CELSR1: variants seen among roughly 807,000 people sequenced by gnomAD.
CELSR1 encodes the protein adhesion G protein-coupled receptor C1.
Under a neutral mutation model 249.1 loss-of-function variants are expected in CELSR1, and 110 were observed. The ratio of observed to expected loss-of-function variants is 0.44; its 90% CI spans 0.38 to 0.52. CELSR1 has a LOEUF of 0.52. Ranked by LOEUF, CELSR1 falls within the 20% of genes least tolerant of loss-of-function variation. CELSR1 has a pLI of 0.00. For missense variants in CELSR1, 4,109 were observed against 4,296.4 expected (o/e 0.96, Z 1.22); for synonymous variants, 2,113 against 1,900.0 (o/e 1.11, Z -2.92).
At chr22:46,466,348 G>T (rs1278018298) in intron 1 of CELSR1, among the ~76,000 whole-genome samples, 4 of 152,230 alleles carry the variant, frequency 2.6e-5, no homozygotes, top group African/African-American at 9.6e-5. Context: ...GGATGTAGCA[G>T]GAAACACGTC....
At position 46,363,002 on chromosome 22, in the gene CELSR1, C is replaced by CT. The variant is rs1247771092; in HGVS notation, c.*220dup. 12 of 880,312 alleles carry CT rather than the reference C, an allele frequency of 1.4e-5. No individual in the cohort carries two copies. The African/African-American group carries it at 2.0e-4, about 15-fold the overall frequency. The allele number at this position is 880,312 out of a possible 1,614,324, so 54.5% of individuals were successfully genotyped here. A position where few individuals can be genotyped will look rare whatever the true frequency, so the allele number is the denominator to read the frequency against. On this transcript the variant is annotated 3_prime_UTR_variant, in exon 35 of 35. Transcript: ENST00000674500. The surrounding 1 kb of genome is among the most constrained non-coding windows in gnomAD (Gnocchi z 4.3). ...TGGCCTTTGGCACTTGTCACCAGGT[C>CT]TGACAGGCCCTGAGCTCCTGGGAGA...
At chr22:46,369,857 C>A (rs1200021135) in intron 25 of CELSR1, 53 bp from the exon 26 acceptor site, 1 of 1,504,148 alleles carries the variant, frequency 6.6e-7, no homozygotes, top group Non-Finnish European at 9.2e-7. Flanking sequence ...CCAGTGGCCA[C>A]CCCATGCCAA....
Position 46,434,351 on chromosome 22 carries a change from A to T in CELSR1, c.4523-870T>A, listed in dbSNP as rs1393339019. On this transcript the variant is annotated intron_variant, in intron 4 of 34. Coordinates refer to ENST00000674500, the MANE Select transcript of CELSR1 (RefSeq NM_001378328.1). The surrounding 1 kb of genome is among the most constrained non-coding windows in gnomAD (Gnocchi z 4.9). The stretch of plus-strand genomic sequence containing the variant: ...TCAGCAGCAGCAGCTGGGAGGAAGG[A>T]GCTTCAGGGGCACCAAAGGACAGGT... Among the ~76,000 whole-genome samples the T allele has an allele frequency of 2.0e-5, 3 of 152,132 alleles. No individual in the cohort carries two copies. Among genetic ancestry groups the T allele is most frequent in the Non-Finnish European group, 4.4e-5 (3 of 68,032 alleles).
chr22:46,515,000 T>G lies in CELSR1; in HGVS notation c.3544+18627A>C, dbSNP rs140712889. Among the ~76,000 whole-genome samples, 690 of 152,286 alleles carry G rather than the reference T, an allele frequency of 4.5e-3. 6 individuals are homozygous for G. Among genetic ancestry groups the G allele is most frequent in the African/African-American group, 0.016 (664 of 41,546 alleles). Reference sequence around the variant, plus strand: ...TCCAAACCCCAGCCCTCTTGGGCCCTGGCAACCAGCCTAGTCCTCGCCAGC... The same window carrying G: ...TCCAAACCCCAGCCCTCTTGGGCCCGGGCAACCAGCCTAGTCCTCGCCAGC... On this transcript the variant is annotated intron_variant, in intron 1 of 34. Transcript: ENST00000674500.
intron 1 of CELSR1, chr22:46,530,300 C>T (rs2080778797): frequency 6.6e-6 from 1 of 150,982 alleles, no homozygotes; most frequent in African/African-American, 2.4e-5. Flanking sequence ...TATATACACA[C>T]ACATAAATTT....
chr22:46,404,023 G>A (rs1280416285), intron 9 of CELSR1, among the ~76,000 whole-genome samples: 3 of 151,270 alleles, frequency 2.0e-5, no homozygotes, highest in Non-Finnish European at 4.4e-5. Context: ...ACTAGATCTG[G>A]GCTGTAAACC....
rs1471847673 is a variant in CELSR1, at chr22:46,398,375, G to A, written c.5526+149C>T. On this transcript the variant is annotated intron_variant, in intron 11 of 34. Coordinates refer to ENST00000674500, the MANE Select transcript of CELSR1 (RefSeq NM_001378328.1). This position sits in a 1 kb window ranked among gnomAD's most constrained non-coding sequence, Gnocchi z 7.2. ...GGAGAATGGGTCTGAAGAGGAAACA[G>A]GAGCTGTTAAAGTGGGGATGCCTGT... 5 of 605,702 alleles carry A rather than the reference G, an allele frequency of 8.3e-6. No individual in the cohort carries two copies. Among genetic ancestry groups the A allele is most frequent in the Non-Finnish European group, 1.4e-5 (5 of 345,028 alleles). 37.5% of individuals were successfully genotyped at this position (605,702 alleles called of 1,614,324 possible).
rs1319640783 is a variant in CELSR1 at position 46,427,193 on chromosome 22, G to A, written c.4611+6200C>T. On this transcript the variant is annotated intron_variant, in intron 5 of 34. Transcript: ENST00000674500. This position sits in a 1 kb window ranked among gnomAD's most constrained non-coding sequence, Gnocchi z 4.2. ...GGAGTGAGACACCCCAAAGCAATGA[G>A]CACACCAAGCACCCAGATCTGGATT... Among the ~76,000 whole-genome samples the A allele has an allele frequency of 2.0e-5, 3 of 152,158 alleles. No homozygotes were observed. Among genetic ancestry groups the A allele is most frequent in the Non-Finnish European group, 2.9e-5 (2 of 68,028 alleles).
chr22:46,401,982 G>A lies in CELSR1; in HGVS notation c.5227-2080C>T, dbSNP rs2147294089. ...AGGTGCCTGTAGTTCCAGCTGCTTGGGAGGCTGAGACAGGAGAATTGCTTG... is the reference window on the plus strand; with the variant it reads ...AGGTGCCTGTAGTTCCAGCTGCTTGAGAGGCTGAGACAGGAGAATTGCTTG... On this transcript the variant is annotated intron_variant, in intron 9 of 34. Coordinates refer to ENST00000674500, the MANE Select transcript of CELSR1 (RefSeq NM_001378328.1). The surrounding 1 kb of genome is among the most constrained non-coding windows in gnomAD (Gnocchi z 4.7). Among the ~76,000 whole-genome samples, 1 of 152,184 alleles carries A rather than the reference G, an allele frequency of 6.6e-6. No individual in the cohort carries two copies. Among genetic ancestry groups the A allele is most frequent in the African/African-American group, 2.4e-5 (1 of 41,532 alleles).
At chr22:46,476,278 T>C (rs1405817312) in intron 1 of CELSR1, among the ~76,000 whole-genome samples, 5 of 152,068 alleles carry the variant, frequency 3.3e-5, no homozygotes. Context: ...GTTCCATTCA[T>C]ACAATGGAAT....
chr22:46,382,831 G>A (rs1206371928), intron 20 of CELSR1, among the ~76,000 whole-genome samples: 1 of 152,206 alleles, frequency 6.6e-6, no homozygotes, highest in African/African-American at 2.4e-5. Context: ...CCTCTTACAG[G>A]AGGTCCCTAG....
intron 24 of CELSR1, among the ~76,000 whole-genome samples, chr22:46,376,309 C>T (rs190142300): frequency 2.0e-3 from 301 of 152,262 alleles, no homozygotes; most frequent in African/African-American, 6.5e-3. Context: ...CCAACCTGGC[C>T]GTGGTTTTTA....
At chr22:46,370,201 G>A in intron 25 of CELSR1, 1 of 455,400 alleles carries the variant, frequency 2.2e-6, no homozygotes. Flanking sequence ...CAAGGTGCAA[G>A]GGATGAGGCT....
intron 1 of CELSR1, among the ~76,000 whole-genome samples, chr22:46,492,856 A>G (rs936582354): frequency 2.0e-5 from 3 of 152,092 alleles, no homozygotes; most frequent in Admixed American, 2.0e-4. Context: ...TCTCTGTCTC[A>G]GAAAAAAACC....
chr22:46,486,230 C>A (rs571885569), intron 1 of CELSR1, among the ~76,000 whole-genome samples: 1 of 151,196 alleles, frequency 6.6e-6, no homozygotes, highest in East Asian at 2.1e-4. Context: ...TGAGCCACCG[C>A]GCCCGGCCTC....
intron 5 of CELSR1, among the ~76,000 whole-genome samples, chr22:46,420,932 T>G (rs1040294327): frequency 6.6e-6 from 1 of 151,826 alleles, no homozygotes; most frequent in Non-Finnish European, 1.5e-5. Context: ...GGGCCGGGGA[T>G]GGTCACGGCA....
rs1232927892 is a variant in CELSR1 at position 46,373,045 on chromosome 22, C to T, written c.7597G>A (p.Val2533Met). The change falls in exon 25 of 35, where the codon GTG (valine) becomes ATG (methionine). Residue 2533 changes from valine (V) to methionine (M), a missense_variant. Val to Met is a conservative substitution (Grantham distance 21). This residue lies in a region of CELSR1 where 1,805 missense variants were observed against 1,831.6 expected (regional missense o/e 0.99). Coordinates refer to ENST00000674500, the MANE Select transcript of CELSR1 (RefSeq NM_001378328.1). ...NQTENPFLCT[V>M]VAILLHYIYM... ...ATGTAGTGGAGGAGGATGGCAACCA[C>T]TGTGCACAGAAACTGCGCAGGGAGG... The T allele has an allele frequency of 6.2e-7, 1 of 1,607,720 alleles. No individual in the cohort carries two copies.
Position 46,394,251 on chromosome 22 carries a change from G to C in CELSR1, c.5855C>G (p.Pro1952Arg). The change falls in exon 14 of 35, where the codon CCG becomes CGG. Residue 1952 changes from proline (P) to arginine (R), a missense_variant. By Grantham distance (103) the Pro-to-Arg change is moderately radical. Coordinates refer to ENST00000674500, the MANE Select transcript of CELSR1 (RefSeq NM_001378328.1). ...GTTCCCCCACCAGCCTCTGGGGCAC[G>C]GAAGGTCGAGTCTGTGGGGAAAATA... ...GPYCENKLDL[P>R]CPRGWWGNPV... 6.2e-7 allele frequency: 1 copy of C among 1,613,366 alleles called. No homozygotes were observed. The highest frequency in any genetic ancestry group is 1.1e-5 in the South Asian group (1 of 91,038).
At chr22:46,525,615 C>T (rs2080731161) in intron 1 of CELSR1, among the ~76,000 whole-genome samples, 1 of 152,196 alleles carries the variant, frequency 6.6e-6, no homozygotes, top group Admixed American at 6.5e-5. Context: ...AGAAATCACA[C>T]CAAACTCAGG....
Sources: allele counts gnomAD v4.1 joint callset (sites outside exome capture counted in the v4.1 genomes callset), GRCh38; gene constraint gnomAD v4.1.1; regional missense constraint gnomAD v4.1.1; non-coding constraint Gnocchi (gnomAD v3.1); transcripts MANE v1.5; gene names NCBI Gene and HGNC (gene_info 2026-07-23, HGNC 2026-07-21).